Variants in ADAM32 observed in about 807,000 individuals in gnomAD.
The protein encoded by ADAM32 is disintegrin and metalloproteinase domain-containing protein 32.
ADAM32 carries 89 observed loss-of-function variants against 114.9 expected under a neutral mutation model. The observed-to-expected ratio is 0.77, with a 90% CI of 0.65 to 0.92. ADAM32 has a LOEUF of 0.92. Ranked by LOEUF, ADAM32 falls within the 40% of genes least tolerant of loss-of-function variation. The pLI is 0.00. For missense variants in ADAM32, 870 were observed against 932.8 expected (o/e 0.93, Z 0.88); for synonymous variants, 285 against 307.5 (o/e 0.93, Z 0.77).
At chr8:39,121,094 A>T (rs1000320335) in intron 2 of ADAM32, among the ~76,000 whole-genome samples, 1 of 152,330 alleles carries the variant, frequency 6.6e-6, no homozygotes, top group Admixed American at 6.5e-5. Context: ...CCTACTTTGT[A>T]TTTTTTAAAA....
At chr8:39,174,504 ATTTG>A (rs763125467) in intron 10 of ADAM32, among the ~76,000 whole-genome samples, 13 of 150,236 alleles carry the variant, frequency 8.7e-5, no homozygotes, top group East Asian at 7.8e-4. Context: ...TTATTTATTT[ATTTG>A]TTTATTTTTT....
At chr8:39,183,762 C>T (rs1806054872) in intron 10 of ADAM32, among the ~76,000 whole-genome samples, 1 of 152,212 alleles carries the variant, frequency 6.6e-6, no homozygotes, top group Non-Finnish European at 1.5e-5. Context: ...TTCTGTGTTA[C>T]AGGACATGTG....
In ADAM32 at chr8:39,211,189, C is replaced by G; in HGVS notation, c.1098C>G (p.Ser366Arg). 6.2e-7 allele frequency: 1 copy of G among 1,604,556 alleles called. No individual in the cohort carries two copies. The highest frequency in any genetic ancestry group is 8.5e-7 in the Non-Finnish European group (1 of 1,176,310). ...CTTTTAGCAGTTGCAGTTTGAGGAG[C>G]TTTCAAAATTTCATTTCAAATGTGG... The part of the protein sequence containing the change: ...VKTFSSCSLR[S>R]FQNFISNVGV... The change falls in exon 12 of 25, where the codon AGC becomes AGG. Residue 366 changes from serine (S) to arginine (R), a missense_variant. Ser to Arg is a moderately radical substitution (Grantham distance 110). Coordinates refer to ENST00000379907, the MANE Select transcript of ADAM32 (RefSeq NM_145004.7).
rs184892985 is a variant in ADAM32, at chr8:39,221,885, A to G, written c.1326+183A>G. On this transcript the variant is annotated intron_variant, in intron 13 of 24. Coordinates refer to ENST00000379907, the MANE Select transcript of ADAM32 (RefSeq NM_145004.7). Reference sequence around the variant, plus strand: ...CTTTTCTTAGGTGTTCTATATGCCAATATTTTCACTAAGTTGATGCTGTTT... The same window carrying G: ...CTTTTCTTAGGTGTTCTATATGCCAGTATTTTCACTAAGTTGATGCTGTTT... 3.4e-3 allele frequency among the ~76,000 whole-genome samples: 517 copies of G among 152,174 alleles called. 7 individuals are homozygous for G. Among genetic ancestry groups the G allele is most frequent in the African/African-American group, 0.011 (473 of 41,578 alleles).
At chr8:39,253,167 T>C (rs930452509) in intron 17 of ADAM32, among the ~76,000 whole-genome samples, 2 of 151,668 alleles carry the variant, frequency 1.3e-5, no homozygotes, top group Non-Finnish European at 3.0e-5. Context: ...ATTAATGAGA[T>C]ATGCCACATT....
chr8:39,118,393 T>C lies in ADAM32; in HGVS notation c.138+228T>C, dbSNP rs1027868312. Reference sequence around the variant, plus strand: ...GGTAAATTATTTTTAAAAGTTTACATATAGAAGAGAATGTAGAATTAAGTG... The same window carrying C: ...GGTAAATTATTTTTAAAAGTTTACACATAGAAGAGAATGTAGAATTAAGTG... On this transcript the variant is annotated intron_variant, in intron 2 of 24. Coordinates refer to ENST00000379907, the MANE Select transcript of ADAM32 (RefSeq NM_145004.7). 2.0e-5 allele frequency among the ~76,000 whole-genome samples: 3 copies of C among 152,130 alleles called. No individual in the cohort carries two copies. In the South Asian group the frequency reaches 6.2e-4, roughly 31 times the overall value.
chr8:39,232,166 C>T, intron 15 of ADAM32, 31 bp downstream of exon 15: 1 of 1,511,368 alleles, frequency 6.6e-7, no homozygotes, highest in Non-Finnish European at 9.0e-7. Context: ...TGATACTTTT[C>T]TTATATTCTA....
chr8:39,116,482 T>G (rs1840382093), intron 1 of ADAM32, among the ~76,000 whole-genome samples: 1 of 152,236 alleles, frequency 6.6e-6, no homozygotes, highest in African/African-American at 2.4e-5. Flanking sequence ...CTAGGTATTT[T>G]GTTCTTTTTG....
intron 24 of ADAM32, among the ~76,000 whole-genome samples, chr8:39,284,378 T>TACACACACACAC (rs367964426): frequency 6.3e-5 from 9 of 142,118 alleles, no homozygotes; most frequent in African/African-American, 1.8e-4. Flanking sequence ...CACACACACG[T>TACACACACACAC]ACACACACAC....
chr8:39,150,754 A>AAGTGG lies in ADAM32; in HGVS notation c.354-623_354-622insAGTGG, dbSNP rs1803772664. ...GTGACTTGGGCTGCCACCTGTATTC[A>AAGTGG]CAGAAAAATAGTGATACAAGTCATT... On this transcript the variant is annotated intron_variant, in intron 5 of 24. Coordinates refer to ENST00000379907, the MANE Select transcript of ADAM32 (RefSeq NM_145004.7). Among the ~76,000 whole-genome samples the AAGTGG allele has an allele frequency of 7.2e-5, 11 of 152,342 alleles. No homozygotes were observed. In the Middle Eastern group the frequency reaches 0.01, roughly 141 times the overall value.
At chr8:39,191,225 A>G (rs1806583122) in intron 11 of ADAM32, among the ~76,000 whole-genome samples, 1 of 152,128 alleles carries the variant, frequency 6.6e-6, no homozygotes. Flanking sequence ...TACATGCGTG[A>G]GTCTTTATGA....
At chr8:39,171,673 G>A (rs972679024) in intron 10 of ADAM32, among the ~76,000 whole-genome samples, 1 of 151,786 alleles carries the variant, frequency 6.6e-6, no homozygotes, top group African/African-American at 2.4e-5. Context: ...AAGTTCTTCT[G>A]TTGGTTAAAT....
chr8:39,142,172 T>G (rs1803202760), intron 3 of ADAM32, among the ~76,000 whole-genome samples: 1 of 152,258 alleles, frequency 6.6e-6, no homozygotes, highest in Non-Finnish European at 1.5e-5. Flanking sequence ...CCAGTCTGTG[T>G]CTTTTAATTG....
chr8:39,197,154 A>AT lies in ADAM32; in HGVS notation c.1052+10115dup, dbSNP rs71552837. ...GAGTTGTTCACAATAGATTCTAATG[A>AT]TTTTTTGTATTTTTGTGGTATCTGT... On this transcript the variant is annotated intron_variant, in intron 11 of 24. Transcript: ENST00000379907. 5.8e-3 allele frequency among the ~76,000 whole-genome samples: 888 copies of AT among 151,940 alleles called. 8 individuals carry two copies. The highest frequency in any genetic ancestry group is 0.011 in the Non-Finnish European group (754 of 67,916).
At chr8:39,256,606 G>A (rs535600542) in intron 18 of ADAM32, among the ~76,000 whole-genome samples, 5 of 152,136 alleles carry the variant, frequency 3.3e-5, no homozygotes, top group Non-Finnish European at 7.4e-5. Context: ...GATGTACGGT[G>A]AGCAAAATGA....
rs1167751679 is a variant in ADAM32, at chr8:39,257,149, A to ATT, written c.2006-32_2006-31dup. On this transcript the variant is annotated intron_variant, in intron 18 of 24. Coordinates refer to ENST00000379907, the MANE Select transcript of ADAM32 (RefSeq NM_145004.7). ...CTTGAAAGTAAAAGTAGATAGTTTA[A>ATT]TTTTTTTGTTTTTTTTTTTTTGTAT... The ATT allele has an allele frequency of 4.1e-6, 6 of 1,472,508 alleles. No homozygotes were observed. In the African/African-American group the frequency reaches 7.4e-5, roughly 18 times the overall value. 91.2% of individuals were successfully genotyped at this position (1,472,508 alleles called of 1,614,324 possible). A position where few individuals can be genotyped will look rare whatever the true frequency, so the allele number is the denominator to read the frequency against.
chr8:39,266,128 T>C (rs535370225), intron 19 of ADAM32, among the ~76,000 whole-genome samples: 1 of 152,316 alleles, frequency 6.6e-6, no homozygotes, highest in East Asian at 1.9e-4. Flanking sequence ...GAGAATCTGA[T>C]GACTATGTGT....
At chr8:39,114,685 A>G (rs1332785747) in intron 1 of ADAM32, among the ~76,000 whole-genome samples, 1 of 152,194 alleles carries the variant, frequency 6.6e-6, no homozygotes, top group East Asian at 1.9e-4. Context: ...AATCATGTTT[A>G]AAAATTTTTT....
intron 16 of ADAM32, among the ~76,000 whole-genome samples, chr8:39,243,227 C>A (rs527381168): frequency 2.6e-5 from 4 of 152,174 alleles, no homozygotes; most frequent in South Asian, 2.1e-4. Flanking sequence ...TGGTACCAAT[C>A]CTACTGAAAA....
Sources: allele counts gnomAD v4.1 joint callset (sites outside exome capture counted in the v4.1 genomes callset), GRCh38; gene constraint gnomAD v4.1.1; transcripts MANE v1.5; gene names NCBI Gene and HGNC (gene_info 2026-07-23, HGNC 2026-07-21).